The following UBR1 variants were observed in gnomAD, a reference collection of about 807,000 sequenced individuals.
The protein encoded by UBR1 is E3 ubiquitin-protein ligase UBR1.
A neutral mutation model predicts 242.1 loss-of-function variants in UBR1; 102 were observed. The observed-to-expected ratio is 0.42, with a 90% CI of 0.36 to 0.50. The LOEUF (loss-of-function observed/expected upper bound fraction) is 0.50. UBR1 is among the 20% of genes least tolerant of loss of function. The pLI is 0.01. For synonymous variants in UBR1, 675 were observed against 684.8 expected (o/e 0.99, Z 0.22); for missense variants, 1,772 against 2,101.8 (o/e 0.84, Z 3.07).
intron 20 of UBR1, among the ~76,000 whole-genome samples, chr15:43,031,746 G>A (rs902465765): frequency 1.3e-5 from 2 of 152,216 alleles, no homozygotes; most frequent in African/African-American, 4.8e-5. Context: ...ATGACAGCCG[G>A]GCGCGGTGGC....
intron 1 of UBR1, among the ~76,000 whole-genome samples, chr15:43,099,283 G>A (rs1424853646): frequency 1.3e-5 from 2 of 151,772 alleles, no homozygotes; most frequent in African/African-American, 2.4e-5. Context: ...GTTTCAGAGA[G>A]CCAAGATTGC....
intron 39 of UBR1, among the ~76,000 whole-genome samples, chr15:42,972,731 A>T (rs1429271608): frequency 6.6e-6 from 1 of 152,120 alleles, no homozygotes; most frequent in Non-Finnish European, 1.5e-5. Flanking sequence ...ACTGTAATTT[A>T]TTTATCCACC....
At chr15:43,081,831 T>G (rs2033978383) in intron 3 of UBR1, among the ~76,000 whole-genome samples, 1 of 152,076 alleles carries the variant, frequency 6.6e-6, no homozygotes, top group African/African-American at 2.4e-5. Context: ...GAACCTATCC[T>G]AAGGAAATAA....
At chr15:43,076,019 T>C (rs1344232255) in intron 3 of UBR1, among the ~76,000 whole-genome samples, 7 of 151,976 alleles carry the variant, frequency 4.6e-5, no homozygotes, top group African/African-American at 1.5e-4. Flanking sequence ...CTCCCTCTGA[T>C]GCCGAGCCAA....
intron 4 of UBR1, among the ~76,000 whole-genome samples, chr15:43,074,205 G>A (rs2033858950): frequency 6.6e-6 from 1 of 152,098 alleles, no homozygotes. Context: ...TTCTGTATTT[G>A]TGATTCTATG....
At chr15:42,969,703 A>G (rs2032171261) in intron 40 of UBR1, among the ~76,000 whole-genome samples, 1 of 152,170 alleles carries the variant, frequency 6.6e-6, no homozygotes, top group Admixed American at 6.6e-5. Flanking sequence ...ATACACCAAT[A>G]ATAGACAAAC....
chr15:43,042,572 TA>T (rs1051899829), intron 15 of UBR1, among the ~76,000 whole-genome samples: 1 of 152,158 alleles, frequency 6.6e-6, no homozygotes, highest in Non-Finnish European at 1.5e-5. Context: ...AATAAATTAT[TA>T]TTCTATTCAG....
intron 1 of UBR1, among the ~76,000 whole-genome samples, chr15:43,087,178 G>C (rs2034047259): frequency 6.6e-6 from 1 of 152,080 alleles, no homozygotes; most frequent in East Asian, 1.9e-4. Flanking sequence ...GGCCGAGGTG[G>C]GTGGATCACG....
chr15:43,086,271 A>C (rs1366666009), intron 1 of UBR1, 31 bp from the exon 2 acceptor site: 9 of 1,612,106 alleles, frequency 5.6e-6, no homozygotes, highest in Non-Finnish European at 7.6e-6. Flanking sequence ...AATTAGACTG[A>C]CTTACAAGTT....
intron 3 of UBR1, among the ~76,000 whole-genome samples, chr15:43,077,544 C>T (rs1220003946): frequency 6.6e-6 from 1 of 150,540 alleles, no homozygotes; most frequent in Non-Finnish European, 1.5e-5. Context: ...CTAGGAAAAC[C>T]AGAGACCTTT....
At chr15:43,027,692 C>A in intron 22 of UBR1, 84 bp downstream of exon 22, 1 of 1,322,050 alleles carries the variant, frequency 7.6e-7, no homozygotes. Flanking sequence ...CAGGCAAGAA[C>A]TTCAGAGCTT....
intron 39 of UBR1, among the ~76,000 whole-genome samples, chr15:42,974,983 G>A (rs1408494739): frequency 1.3e-5 from 2 of 152,124 alleles, no homozygotes; most frequent in African/African-American, 4.8e-5. Context: ...TGCAACCTCT[G>A]CCTCCTGGGT....
intron 37 of UBR1, among the ~76,000 whole-genome samples, chr15:42,978,892 C>CT (rs754093273): frequency 0.077 from 7,199 of 93,982 alleles, 716 homozygotes; most frequent in Non-Finnish European, 0.12. Context: ...CCACGCCCGG[C>CT]TTTTTTTTTT....
In UBR1 at chr15:43,018,223, G is replaced by A. The variant is rs548740605; in HGVS notation, c.2941-1042C>T. Reference sequence around the variant, plus strand: ...TCACCATGTTAGCCAGGATGGTCTCGATCTCCTGACCTCATGATCCGCCCA... The same window carrying A: ...TCACCATGTTAGCCAGGATGGTCTCAATCTCCTGACCTCATGATCCGCCCA... On this transcript the variant is annotated intron_variant, in intron 27 of 46. Coordinates refer to ENST00000290650, the MANE Select transcript of UBR1 (RefSeq NM_174916.3). Among the ~76,000 whole-genome samples, 252 of 152,076 alleles carry A rather than the reference G, an allele frequency of 1.7e-3. 3 individuals are homozygous for A. Among genetic ancestry groups the A allele is most frequent in the Non-Finnish European group, 1.5e-3 (99 of 67,970 alleles).
At chr15:42,953,965 C>T (rs1406744703) in intron 44 of UBR1, among the ~76,000 whole-genome samples, 1 of 151,552 alleles carries the variant, frequency 6.6e-6, no homozygotes, top group Non-Finnish European at 1.5e-5. Context: ...TCACTGCTGC[C>T]TCAACCTCCT....
At chr15:42,972,133 T>C (rs944388155) in intron 39 of UBR1, among the ~76,000 whole-genome samples, 1 of 152,228 alleles carries the variant, frequency 6.6e-6, no homozygotes, top group African/African-American at 2.4e-5. Context: ...GTATTTTTCA[T>C]AACAGTTTCA....
intron 3 of UBR1, among the ~76,000 whole-genome samples, chr15:43,077,232 T>C (rs930504120): frequency 2.6e-5 from 4 of 151,814 alleles, no homozygotes; most frequent in Admixed American, 6.6e-5. Flanking sequence ...GGGGAGGAAA[T>C]TGAGAAATCG....
At chr15:43,076,161 T>TC (rs2033888899) in intron 3 of UBR1, among the ~76,000 whole-genome samples, 1 of 150,962 alleles carries the variant, frequency 6.6e-6, no homozygotes, top group Non-Finnish European at 1.5e-5. Context: ...TTTTTTTTTT[T>TC]GGTGGAGACG....
chr15:42,947,473 A>G (rs1254889384), intron 46 of UBR1, among the ~76,000 whole-genome samples: 1 of 152,156 alleles, frequency 6.6e-6, no homozygotes, highest in Admixed American at 6.5e-5. Flanking sequence ...GTATTCAATT[A>G]GGAAAAGAGG....
Sources: gnomAD v4.1 joint callset for allele counts (sites outside exome capture counted in the v4.1 genomes callset) on GRCh38, gnomAD v4.1.1 for gene constraint, MANE v1.5 for transcripts, NCBI Gene and HGNC (gene_info 2026-07-23, HGNC 2026-07-21) for gene names.